The following RNF38 variants were observed in gnomAD, a reference collection of about 807,000 sequenced individuals.
The protein encoded by RNF38 is E3 ubiquitin-protein ligase RNF38.
RNF38 carries 15 observed loss-of-function variants against 67.2 expected under a neutral mutation model. That is an observed-to-expected ratio of 0.22 (90% CI 0.15 to 0.34). The LOEUF (loss-of-function observed/expected upper bound fraction) is 0.34. Ranked by LOEUF, RNF38 falls within the 10% of genes least tolerant of loss-of-function variation. The pLI is 1.00. For synonymous variants in RNF38, 220 were observed against 218.8 expected (o/e 1.01, Z -0.05); for missense variants, 524 against 639.9 (o/e 0.82, Z 1.95).
intron 11 of RNF38, 102 bp from the exon 12 acceptor site, chr9:36,339,916 TCTTCCTCTGAAGAGGTACAAAGCA>T (rs1797817610): frequency 9.5e-7 from 1 of 1,052,496 alleles, no homozygotes; most frequent in South Asian, 1.4e-5. Context: ...TTACATTCTT[TCTTCCTCTGAAGAGGTACAAAGCA>T]ATTTTTGCCT....
rs141236461 is a variant in RNF38, at chr9:36,453,909, A to G, written n.242-29226T>C. On this transcript the variant is annotated intron_variant and non_coding_transcript_variant, in intron 1 of 3. Coordinates refer to the RNF38 transcript ENST00000488058. ...ATACTGAAATATTTATAGATAAATGATATGTTGTTTAGAATCATTCAAAAT... is the reference window on the plus strand; with the variant it reads ...ATACTGAAATATTTATAGATAAATGGTATGTTGTTTAGAATCATTCAAAAT... Among the ~76,000 whole-genome samples the G allele has an allele frequency of 8.5e-4, 130 of 152,344 alleles. 1 individual carries two copies. Among genetic ancestry groups the G allele is most frequent in the African/African-American group, 3.1e-3 (128 of 41,588 alleles).
At chr9:36,470,465 C>A (rs1384435399) in intron 1 of RNF38, among the ~76,000 whole-genome samples, 1 of 152,132 alleles carries the variant, frequency 6.6e-6, no homozygotes, top group African/African-American at 2.4e-5. Context: ...GTGGGAAAAA[C>A]AGCACTGCAT....
chr9:36,434,266 AG>A lies in RNF38; in HGVS notation n.242-9584del, dbSNP rs1297074114. 4.7e-3 allele frequency among the ~76,000 whole-genome samples: 254 copies of A among 53,700 alleles called. 4 individuals carry two copies. The highest frequency in any genetic ancestry group is 0.017 in the African/African-American group (234 of 13,960). The allele number at this position is 53,700 out of a possible 152,430, so 35.2% of individuals were successfully genotyped here. On this transcript the variant is annotated intron_variant and non_coding_transcript_variant, in intron 1 of 3. Transcript: ENST00000488058. The stretch of plus-strand genomic sequence containing the variant: ...GGGAAGGGAGGGGAGGGGAGAGGGG[AG>A]GGGGGGAAGGGATAGGGGAGAAGGG...
At chr9:36,466,573 G>T (rs1018964684) in intron 1 of RNF38, among the ~76,000 whole-genome samples, 1 of 151,962 alleles carries the variant, frequency 6.6e-6, no homozygotes, top group East Asian at 1.9e-4. Context: ...GTTTCTATAC[G>T]TATTTCGTAT....
At chr9:36,461,824 GATA>G (rs1172444324) in intron 1 of RNF38, among the ~76,000 whole-genome samples, 32 of 152,256 alleles carry the variant, frequency 2.1e-4, no homozygotes, top group Admixed American at 2.1e-3. Context: ...TAGTTTTGCA[GATA>G]ATAATTTCAG....
At chr9:36,372,347 G>T in intron 3 of RNF38, 2 of 531,646 alleles carry the variant, frequency 3.8e-6, no homozygotes, top group Non-Finnish European at 6.7e-6. Context: ...TCTAAAATTC[G>T]ATCTTGCTTG....
chr9:36,373,342 A>G lies in RNF38; in HGVS notation c.356+2592T>C, dbSNP rs375048263. On this transcript the variant is annotated intron_variant, in intron 3 of 11. Coordinates refer to ENST00000259605, the MANE Select transcript of RNF38 (RefSeq NM_022781.5). ...CTATTGCTACTGCTATCAACATTAA[A>G]AACAGAATGCTTAATAAACAGTCAA... Among the ~76,000 whole-genome samples, 112 of 152,354 alleles carry G rather than the reference A, an allele frequency of 7.4e-4. 2 individuals carry two copies. In the South Asian group the frequency reaches 0.022, roughly 30 times the overall value.
At chr9:36,455,292 C>A (rs1839561124) in intron 1 of RNF38, among the ~76,000 whole-genome samples, 1 of 151,914 alleles carries the variant, frequency 6.6e-6, no homozygotes, top group African/African-American at 2.4e-5. Flanking sequence ...AAACTCCAGG[C>A]CTCCAGTGAT....
chr9:36,446,810 G>GGA lies in RNF38; in HGVS notation n.242-22128_242-22127insTC, dbSNP rs71494625. Among the ~76,000 whole-genome samples the GGA allele has an allele frequency of 1.7e-3, 47 of 28,214 alleles. 1 individual carries two copies. The highest frequency in any genetic ancestry group is 2.3e-3 in the Non-Finnish European group (34 of 14,818). 18.5% of individuals were successfully genotyped at this position (28,214 alleles called of 152,430 possible). ...GCGACAGAGTGAGACTCCGCCTCAA[G>GGA]AAAAAAAAAAAAAAAAAAAAAAAAA... is the stretch of plus-strand genomic sequence containing the variant. On this transcript the variant is annotated intron_variant and non_coding_transcript_variant, in intron 1 of 3. Transcript: ENST00000488058.
chr9:36,446,453 C>T (rs1186489923), intron 1 of RNF38, among the ~76,000 whole-genome samples: 1 of 152,182 alleles, frequency 6.6e-6, no homozygotes, highest in African/African-American at 2.4e-5. Context: ...TTGGAAACAA[C>T]TGTTTCTTTC....
upstream of RNF38, chr9:36,400,450 G>C: frequency 9.4e-7 from 1 of 1,065,898 alleles, no homozygotes; most frequent in Non-Finnish European, 1.1e-6. Flanking sequence ...CCGGGCGGCC[G>C]AGGCAAACCT....
chr9:36,352,798 T>A lies in RNF38; in HGVS notation c.1122A>T (p.Arg374=). 1 of 1,614,072 alleles carries A rather than the reference T, an allele frequency of 6.2e-7. No individual in the cohort carries two copies. The highest frequency in any genetic ancestry group is 8.5e-7 in the Non-Finnish European group (1 of 1,179,990). Residue 374 remains arginine, a synonymous_variant, in exon 8 of 12, where the codon CGA becomes CGT. Transcript: ENST00000259605. ...PRRLTGRSRY[R]SQQPIPPPPY... ...GGGGAGGTGGTATTGGCTGCTGGGA[T>A]CGGTATCTACTACGTCCTGTAAGCC... is the stretch of plus-strand genomic sequence containing the variant.
At chr9:36,368,084 C>A (rs781702396) in intron 4 of RNF38, among the ~76,000 whole-genome samples, 2 of 152,246 alleles carry the variant, frequency 1.3e-5, no homozygotes, top group South Asian at 2.1e-4. Flanking sequence ...AACTCCTGGG[C>A]CTCAGGTGAT....
chr9:36,439,661 C>T (rs550770444), intron 1 of RNF38, among the ~76,000 whole-genome samples: 2 of 151,766 alleles, frequency 1.3e-5, no homozygotes, highest in South Asian at 2.1e-4. Context: ...AAAAATTAGC[C>T]GGGCATGGTG....
chr9:36,396,743 G>C (rs1044669933), intron 1 of RNF38, among the ~76,000 whole-genome samples: 1 of 151,822 alleles, frequency 6.6e-6, no homozygotes, highest in South Asian at 2.1e-4. Context: ...ATTGAATGGA[G>C]TGAATTTTAT....
Position 36,337,187 on chromosome 9 carries a change from CCA to C in RNF38, c.*2563_*2564del, listed in dbSNP as rs1289196295. On this transcript the variant is annotated 3_prime_UTR_variant, in exon 12 of 12. Coordinates refer to ENST00000259605, the MANE Select transcript of RNF38 (RefSeq NM_022781.5). ...CACAAATAAACTTCTCTTTTGCTAG[CCA>C]CAGAGTTGCTCACTGTGGCAAGCCT... The C allele has an allele frequency of 1.3e-5, 2 of 152,232 alleles. No individual in the cohort carries two copies. The highest frequency in any genetic ancestry group is 4.8e-5 in the African/African-American group (2 of 41,454). The allele number at this position is 152,232 out of a possible 1,614,324, so 9.4% of individuals were successfully genotyped here. A position where few individuals can be genotyped will look rare whatever the true frequency, so the allele number is the denominator to read the frequency against.
At chr9:36,421,360 A>AT (rs1037393490) in intron 2 of RNF38, among the ~76,000 whole-genome samples, 34 of 151,554 alleles carry the variant, frequency 2.2e-4, no homozygotes, top group African/African-American at 7.5e-4. Flanking sequence ...TCCCAAGTTT[A>AT]TTTTTTTTTA....
intron 4 of RNF38, among the ~76,000 whole-genome samples, chr9:36,365,233 A>T (rs914314203): frequency 0.017 from 5 of 296 alleles, no homozygotes; most frequent in South Asian, 0.33. Context: ...AAGAGCCTTA[A>T]AAAAAACGGG....
intron 1 of RNF38, among the ~76,000 whole-genome samples, chr9:36,482,212 C>A (rs551418893): frequency 4.0e-5 from 6 of 151,798 alleles, no homozygotes; most frequent in Non-Finnish European, 7.4e-5. Flanking sequence ...TGCCACCACG[C>A]CTGGCTAATT....
Sources: gnomAD v4.1 joint callset for allele counts (sites outside exome capture counted in the v4.1 genomes callset) on GRCh38, gnomAD v4.1.1 for gene constraint, MANE v1.5 for transcripts, NCBI Gene and HGNC (gene_info 2026-07-23, HGNC 2026-07-21) for gene names.